The following TMEM132C variants were observed in gnomAD, a reference collection of about 807,000 sequenced individuals.
TMEM132C encodes the protein protein phosphatase 1, regulatory subunit 152.
A neutral mutation model predicts 61.4 loss-of-function variants in TMEM132C; 29 were observed. The observed-to-expected ratio is 0.47, with a 90% CI of 0.35 to 0.64. The LOEUF (loss-of-function observed/expected upper bound fraction) is 0.64. Among genes scored for constraint, TMEM132C ranks in the 30% least tolerant of loss-of-function variants. The probability of loss-of-function intolerance (pLI) is 0.00; values close to 1 mark genes in which losing one functional copy is unlikely to be tolerated. For synonymous variants in TMEM132C, 656 were observed against 633.1 expected, an observed-to-expected ratio of 1.04 and a Z score of -0.54; for missense variants, 1,408 against 1,476.9, an observed-to-expected ratio of 0.95 and a Z score of 0.76.
At chr12:128,465,952 G>A (rs1870719347) in intron 2 of TMEM132C, among the ~76,000 whole-genome samples, 1 of 152,154 alleles carries the variant, frequency 6.6e-6, no homozygotes, top group South Asian at 2.1e-4. Context: ...GTGAAGCACT[G>A]GGAGTGAGGT....
chr12:128,506,419 T>C (rs1872362120), intron 2 of TMEM132C, among the ~76,000 whole-genome samples: 2 of 152,156 alleles, frequency 1.3e-5, no homozygotes. Context: ...AGACCAAAGA[T>C]GTGGAGGAGT....
intron 2 of TMEM132C, among the ~76,000 whole-genome samples, chr12:128,520,111 C>T (rs1227222535): frequency 6.6e-6 from 1 of 152,234 alleles, no homozygotes; most frequent in African/African-American, 2.4e-5. Context: ...TTTAAAGTGA[C>T]TTGCAAAGGC....
rs904423242 is a variant in TMEM132C at position 128,706,469 on chromosome 12, G to T, written c.*174G>T. ...ACGTTTTTGTATCAAGGGATTTTTA[G>T]CAGTTAATGGTGGTGGATTTTTAAA... On this transcript the variant is annotated 3_prime_UTR_variant, in exon 9 of 9. Transcript: ENST00000435159. 5 of 833,934 alleles carry T rather than the reference G, an allele frequency of 6.0e-6. No individual in the cohort carries two copies. The highest frequency in any genetic ancestry group is 8.6e-6 in the Non-Finnish European group (5 of 581,668). 51.7% of individuals were successfully genotyped at this position (833,934 alleles called of 1,614,324 possible).
intron 2 of TMEM132C, among the ~76,000 whole-genome samples, chr12:128,432,051 C>T (rs569446227): frequency 5.3e-5 from 8 of 152,268 alleles, no homozygotes; most frequent in East Asian, 3.9e-4. Context: ...GTTTATAGGA[C>T]GGCTTACTAA....
intron 2 of TMEM132C, among the ~76,000 whole-genome samples, chr12:128,439,834 G>A (rs1232290562): frequency 6.6e-6 from 1 of 152,176 alleles, no homozygotes; most frequent in Non-Finnish European, 1.5e-5. Flanking sequence ...ATGAGCCGCA[G>A]ATGATGGAGC....
chr12:128,580,282 G>A lies in TMEM132C; in HGVS notation c.1122-35870G>A, dbSNP rs111356270. Among the ~76,000 whole-genome samples, 681 of 152,154 alleles carry A rather than the reference G, an allele frequency of 4.5e-3. 3 individuals are homozygous for A. The highest frequency in any genetic ancestry group is 0.016 in the African/African-American group (646 of 41,512). ...AAAAAATACAAAAAATTAGCCGGACGTGGTGGCGGGCGCCTGTAGTCCCAG... is the reference window on the plus strand; with the variant it reads ...AAAAAATACAAAAAATTAGCCGGACATGGTGGCGGGCGCCTGTAGTCCCAG... On this transcript the variant is annotated intron_variant, in intron 3 of 8. Transcript: ENST00000435159.
chr12:128,328,014 C>G (rs996964140), intron 1 of TMEM132C, among the ~76,000 whole-genome samples: 17 of 151,912 alleles, frequency 1.1e-4, no homozygotes, highest in African/African-American at 3.9e-4. Context: ...TCTGCTTGAC[C>G]CCCCACTTCC....
At chr12:128,685,387 G>A (rs1328340463) in intron 5 of TMEM132C, among the ~76,000 whole-genome samples, 1 of 152,210 alleles carries the variant, frequency 6.6e-6, no homozygotes, top group Non-Finnish European at 1.5e-5. Flanking sequence ...GGCTCGGCCG[G>A]ACAGCTCAGC....
At chr12:128,296,703 T>C (rs1185402958) in intron 1 of TMEM132C, among the ~76,000 whole-genome samples, 3 of 152,200 alleles carry the variant, frequency 2.0e-5, no homozygotes, top group Non-Finnish European at 2.9e-5. Flanking sequence ...TCCGTCAGGT[T>C]CATGACTGTG....
chr12:128,290,242 C>T (rs1292790088), intron 1 of TMEM132C, among the ~76,000 whole-genome samples: 2 of 152,130 alleles, frequency 1.3e-5, no homozygotes, highest in Non-Finnish European at 2.9e-5. Context: ...GGTTGACTCA[C>T]AGTTCTGCAG....
At chr12:128,670,320 A>T (rs529272298) in intron 5 of TMEM132C, among the ~76,000 whole-genome samples, 11 of 152,290 alleles carry the variant, frequency 7.2e-5, no homozygotes, top group African/African-American at 2.4e-4. Flanking sequence ...AATAATATAT[A>T]TATATGTTAT....
intron 2 of TMEM132C, among the ~76,000 whole-genome samples, chr12:128,500,028 G>A (rs181434184): frequency 9.9e-5 from 15 of 152,124 alleles, no homozygotes; most frequent in Admixed American, 2.0e-4. Context: ...TCCCTTTCTC[G>A]GCATGCTCAC....
At chr12:128,491,689 C>T (rs1294867630) in intron 2 of TMEM132C, among the ~76,000 whole-genome samples, 8 of 152,222 alleles carry the variant, frequency 5.3e-5, no homozygotes, top group Non-Finnish European at 1.0e-4. Flanking sequence ...TGCTGACCCA[C>T]GGCATTCCTC....
At chr12:128,422,852 A>T (rs554289637) in intron 2 of TMEM132C, among the ~76,000 whole-genome samples, 1 of 152,290 alleles carries the variant, frequency 6.6e-6, no homozygotes, top group South Asian at 2.1e-4. Flanking sequence ...AGACATTGCT[A>T]AGTCTTCTTT....
chr12:128,654,621 A>T (rs1327517172), intron 4 of TMEM132C, among the ~76,000 whole-genome samples: 3 of 152,258 alleles, frequency 2.0e-5, no homozygotes, highest in Non-Finnish European at 4.4e-5. Context: ...CGCTCTGATG[A>T]TTGATGGCTC....
rs375577205 is a variant in TMEM132C, at chr12:128,665,542, C to T, written c.1306-3875C>T. ...GCACTCACACATACACAAATGCAGG[C>T]GCAAAAATACAGGCGCACACACACA... is the stretch of plus-strand genomic sequence containing the variant. On this transcript the variant is annotated intron_variant, in intron 4 of 8. Coordinates refer to ENST00000435159, the MANE Select transcript of TMEM132C (RefSeq NM_001136103.3). 3.8e-3 allele frequency among the ~76,000 whole-genome samples: 461 copies of T among 122,054 alleles called. 4 individuals are homozygous for T. Among genetic ancestry groups the T allele is most frequent in the African/African-American group, 0.011 (420 of 37,602 alleles). 80.1% of individuals were successfully genotyped at this position (122,054 alleles called of 152,430 possible).
At chr12:128,472,887 G>A (rs1451943273) in intron 2 of TMEM132C, among the ~76,000 whole-genome samples, 1 of 152,176 alleles carries the variant, frequency 6.6e-6, no homozygotes, top group Non-Finnish European at 1.5e-5. Flanking sequence ...TATGAAGTCT[G>A]GCAGTGCATT....
chr12:128,355,310 T>A (rs1349053308), intron 1 of TMEM132C, among the ~76,000 whole-genome samples: 1 of 152,106 alleles, frequency 6.6e-6, no homozygotes, highest in East Asian at 1.9e-4. Flanking sequence ...TCAGCATGCA[T>A]GGGTTTGTGC....
intron 1 of TMEM132C, among the ~76,000 whole-genome samples, chr12:128,301,206 G>T (rs965125297): frequency 3.9e-5 from 6 of 152,136 alleles, no homozygotes; most frequent in African/African-American, 1.4e-4. Context: ...AAAAGGAAAG[G>T]AAGTGTAGGG....
Sources: allele counts gnomAD v4.1 joint callset (sites outside exome capture counted in the v4.1 genomes callset), GRCh38; gene constraint gnomAD v4.1.1; transcripts MANE v1.5; gene names NCBI Gene and HGNC (gene_info 2026-07-23, HGNC 2026-07-21).